Variants in HEMK2 observed in about 807,000 individuals in gnomAD.
HEMK2 encodes HemK methyltransferase 2, ETF1 glutamine and histone H4 lysine, also known as methyltransferase HEMK2.
At chr21:28,612,413 G>A in the HEMK2 span, among the ~76,000 whole-genome samples, 7 of 152,082 alleles carry the variant, frequency 4.6e-5, no homozygotes, top group South Asian at 2.1e-4. Flanking sequence ...CAGCAAGATC[G>A]GCATACAAGG....
chr21:28,850,908 G>A, the HEMK2 span, among the ~76,000 whole-genome samples: 1 of 152,168 alleles, frequency 6.6e-6, no homozygotes, highest in African/African-American at 2.4e-5. Context: ...GGGAGAGAAG[G>A]AAGGGTGGCA....
chr21:28,792,222 A>T, the HEMK2 span, among the ~76,000 whole-genome samples: 1 of 152,172 alleles, frequency 6.6e-6, no homozygotes, highest in Admixed American at 6.5e-5. Context: ...TGATCAAAAA[A>T]TAACCATCAA....
chr21:28,861,964 CACA>C, the HEMK2 span, among the ~76,000 whole-genome samples: 1 of 152,166 alleles, frequency 6.6e-6, no homozygotes, highest in Non-Finnish European at 1.5e-5. Context: ...CACCAGGAGA[CACA>C]ACAATTCCAT....
the HEMK2 span, among the ~76,000 whole-genome samples, chr21:28,733,136 G>A: frequency 1.8e-4 from 28 of 151,966 alleles, no homozygotes; most frequent in African/African-American, 1.2e-4. Context: ...AAAATTAGCC[G>A]GGCGTGGTGG....
chr21:28,838,102 T>C, the HEMK2 span, among the ~76,000 whole-genome samples: 1 of 152,190 alleles, frequency 6.6e-6, no homozygotes, highest in African/African-American at 2.4e-5. Flanking sequence ...AGCAGAATTC[T>C]ACCAGACATT....
the HEMK2 span, among the ~76,000 whole-genome samples, chr21:28,600,439 C>G: frequency 2.6e-5 from 4 of 152,232 alleles, no homozygotes; most frequent in Non-Finnish European, 5.9e-5. Flanking sequence ...GGCTGGGACA[C>G]AGGGCACAAA....
chr21:28,802,208 G>A, the HEMK2 span, among the ~76,000 whole-genome samples: 2 of 152,052 alleles, frequency 1.3e-5, no homozygotes, highest in East Asian at 3.9e-4. Flanking sequence ...AAAGTAAGAA[G>A]TTTCTTATGT....
chr21:28,785,024 C>A, the HEMK2 span, among the ~76,000 whole-genome samples: 1 of 152,130 alleles, frequency 6.6e-6, no homozygotes, highest in Non-Finnish European at 1.5e-5. Context: ...CAACTCCAGA[C>A]AGGAGGAACG....
At chr21:28,799,258 G>A in the HEMK2 span, among the ~76,000 whole-genome samples, 27 of 152,326 alleles carry the variant, frequency 1.8e-4, no homozygotes, top group South Asian at 6.2e-4. Context: ...TGAAAGGCAT[G>A]TCTCACATGG....
the HEMK2 span, among the ~76,000 whole-genome samples, chr21:28,680,160 T>A: frequency 1.3e-5 from 2 of 151,966 alleles, no homozygotes; most frequent in African/African-American, 4.8e-5. Context: ...CTAGCAAGAC[T>A]AATAAAGAAG....
chr21:28,711,122 A>C, the HEMK2 span, among the ~76,000 whole-genome samples: 1 of 152,174 alleles, frequency 6.6e-6, no homozygotes, highest in African/African-American at 2.4e-5. Flanking sequence ...AACTCTAAGT[A>C]CTTTTAATTA....
the HEMK2 span, among the ~76,000 whole-genome samples, chr21:28,811,198 G>T: frequency 1.4e-5 from 2 of 145,950 alleles, no homozygotes. Flanking sequence ...CCAACAAATT[G>T]AGATCTCATC....
At chr21:28,742,196 C>T in the HEMK2 span, among the ~76,000 whole-genome samples, 1 of 152,280 alleles carries the variant, frequency 6.6e-6, no homozygotes, top group African/African-American at 2.4e-5. Flanking sequence ...ATAAAGCTGA[C>T]AATATTTACT....
At chr21:28,722,422 T>C in the HEMK2 span, among the ~76,000 whole-genome samples, 9 of 152,226 alleles carry the variant, frequency 5.9e-5, no homozygotes, top group African/African-American at 2.2e-4. Context: ...TTAGGATTTG[T>C]AAAACAAAAC....
chr21:28,608,149 T>G, the HEMK2 span, among the ~76,000 whole-genome samples: 53 of 152,172 alleles, frequency 3.5e-4, 1 homozygote, highest in Non-Finnish European at 1.5e-4. Flanking sequence ...TATCTAGTAT[T>G]AAATTGAAAA....
chr21:28,814,632 G>C, the HEMK2 span, among the ~76,000 whole-genome samples: 1 of 151,774 alleles, frequency 6.6e-6, no homozygotes, highest in African/African-American at 2.4e-5. Flanking sequence ...ATGAAAAAAT[G>C]CTCATCATCA....
the HEMK2 span, among the ~76,000 whole-genome samples, chr21:28,824,328 C>G: frequency 6.6e-6 from 1 of 152,214 alleles, no homozygotes; most frequent in Non-Finnish European, 1.5e-5. Flanking sequence ...AGAAATCACT[C>G]CTATCTGAAG....
At chr21:28,719,193 T>C in the HEMK2 span, among the ~76,000 whole-genome samples, 1 of 152,204 alleles carries the variant, frequency 6.6e-6, no homozygotes, top group Non-Finnish European at 1.5e-5. Flanking sequence ...TTTGGGTTTA[T>C]CTGCTTTTGC....
At chr21:28,734,277 A>T in the HEMK2 span, among the ~76,000 whole-genome samples, 1 of 152,214 alleles carries the variant, frequency 6.6e-6, no homozygotes, top group East Asian at 1.9e-4. Flanking sequence ...CACACTGCAT[A>T]TATTTATAAA....
Sources: allele counts gnomAD v4.1 joint callset (sites outside exome capture counted in the v4.1 genomes callset), GRCh38; gene constraint gnomAD v4.1.1; transcripts MANE v1.5; gene names NCBI Gene and HGNC (gene_info 2026-07-23, HGNC 2026-07-21).